Variants in CTNND2 observed in about 807,000 individuals in gnomAD.
CTNND2 encodes catenin delta 2, also known as catenin delta-2.
CTNND2 carries 22 observed loss-of-function variants against 144.4 expected under a neutral mutation model. The ratio of observed to expected loss-of-function variants is 0.15; its 90% CI spans 0.11 to 0.22. The LOEUF is 0.22. Ranked by LOEUF, CTNND2 falls within the 10% of genes least tolerant of loss-of-function variation. CTNND2 has a pLI of 1.00. For synonymous variants in CTNND2, 751 were observed against 695.6 expected (o/e 1.08, Z -1.25); for missense variants, 1,353 against 1,618.8 (o/e 0.84, Z 2.82).
At chr5:11,081,339 A>G (rs61757071) in intron 16 of CTNND2, among the ~76,000 whole-genome samples, 2,141 of 152,292 alleles carry the variant, frequency 0.014, 57 homozygotes, top group African/African-American at 0.049. Context: ...CAAAGATAAG[A>G]TAATTATTTG....
chr5:11,187,971 C>A (rs1043881034), intron 11 of CTNND2, among the ~76,000 whole-genome samples: 1 of 152,018 alleles, frequency 6.6e-6, no homozygotes, highest in South Asian at 2.1e-4. Flanking sequence ...GGCGAGGCTG[C>A]GGAGAAACAG....
At position 10,973,853 on chromosome 5, in the gene CTNND2, A is replaced by G; in HGVS notation, c.3418-140T>C. ...ACCACTGTGGCCCTGCTTCTCCAAA[A>G]CTGCCAACTGTCATTGGCTTTCCTT... On this transcript the variant is annotated intron_variant, in intron 21 of 21. Coordinates refer to ENST00000304623, the MANE Select transcript of CTNND2 (RefSeq NM_001332.4). This position sits in a 1 kb window ranked among gnomAD's most constrained non-coding sequence, Gnocchi z 5.6. The G allele has an allele frequency of 1.1e-6, 1 of 893,612 alleles. No individual in the cohort carries two copies. The allele number at this position is 893,612 out of a possible 1,614,324, so 55.4% of individuals were successfully genotyped here.
chr5:11,800,799 A>G (rs758282694), intron 1 of CTNND2, among the ~76,000 whole-genome samples: 10 of 152,202 alleles, frequency 6.6e-5, no homozygotes, highest in Non-Finnish European at 1.2e-4. Context: ...AGAATTGAGT[A>G]TTATATTTGA....
chr5:11,068,064 A>T (rs1457245366), intron 16 of CTNND2, among the ~76,000 whole-genome samples: 4 of 152,208 alleles, frequency 2.6e-5, no homozygotes, highest in South Asian at 2.1e-4. Flanking sequence ...TCTGGAACAA[A>T]TTTTTTTGTC....
rs568487966 is a variant in CTNND2, at chr5:11,724,681, T to C, written c.174+7455A>G. Among the ~76,000 whole-genome samples, 92 of 152,342 alleles carry C rather than the reference T, an allele frequency of 6.0e-4. 1 individual carries two copies. The Middle Eastern group carries it at 0.01, about 17-fold the overall frequency. On this transcript the variant is annotated intron_variant, in intron 2 of 21. Transcript: ENST00000304623. ...TATCCCAGAGTTCTACTTTTCAGAATAGAAGATACGGCAGTGTCAAAACTA... is the reference window on the plus strand; with the variant it reads ...TATCCCAGAGTTCTACTTTTCAGAACAGAAGATACGGCAGTGTCAAAACTA...
intron 15 of CTNND2, among the ~76,000 whole-genome samples, chr5:11,097,280 T>C (rs1751445855): frequency 1.3e-5 from 2 of 152,228 alleles, no homozygotes; most frequent in South Asian, 4.1e-4. Context: ...ATCTCTTTCC[T>C]GCTCCTGTAA....
At chr5:11,203,258 G>A (rs943227561) in intron 10 of CTNND2, among the ~76,000 whole-genome samples, 3 of 151,982 alleles carry the variant, frequency 2.0e-5, no homozygotes, top group African/African-American at 7.2e-5. Flanking sequence ...CTTTGAAATG[G>A]CACCTTTATT....
intron 11 of CTNND2, among the ~76,000 whole-genome samples, chr5:11,196,275 G>A (rs1307408123): frequency 3.9e-5 from 6 of 152,104 alleles, no homozygotes; most frequent in Admixed American, 3.9e-4. Flanking sequence ...CACTAAAATT[G>A]TTCTTTTGAA....
chr5:11,073,376 A>C (rs1416863716), intron 16 of CTNND2, among the ~76,000 whole-genome samples: 1 of 152,184 alleles, frequency 6.6e-6, no homozygotes, highest in Non-Finnish European at 1.5e-5. Context: ...CCAGACATAA[A>C]ATGAACACCT....
At chr5:11,511,533 T>C (rs952965485) in intron 3 of CTNND2, among the ~76,000 whole-genome samples, 2 of 151,964 alleles carry the variant, frequency 1.3e-5, no homozygotes, top group Non-Finnish European at 2.9e-5. Flanking sequence ...CATTTGGGGG[T>C]GATGTGTCCA....
At chr5:11,156,941 C>A (rs1012937675) in intron 12 of CTNND2, among the ~76,000 whole-genome samples, 1 of 152,160 alleles carries the variant, frequency 6.6e-6, no homozygotes, top group Non-Finnish European at 1.5e-5. Flanking sequence ...AAAGTGTTGC[C>A]CCGTCAGCAG....
chr5:11,419,065 T>C (rs1762148667), intron 3 of CTNND2, among the ~76,000 whole-genome samples: 1 of 131,684 alleles, frequency 7.6e-6, no homozygotes. Context: ...TATAGATATA[T>C]ATATAGAGAG....
intron 9 of CTNND2, among the ~76,000 whole-genome samples, chr5:11,284,741 T>C (rs1457708102): frequency 1.3e-5 from 2 of 152,248 alleles, no homozygotes; most frequent in Non-Finnish European, 2.9e-5. Flanking sequence ...CATGTGTCTT[T>C]ATAACAGAAT....
At chr5:11,871,994 A>G (rs1413615458) in intron 1 of CTNND2, among the ~76,000 whole-genome samples, 1 of 152,096 alleles carries the variant, frequency 6.6e-6, no homozygotes, top group Non-Finnish European at 1.5e-5. Flanking sequence ...TCAACCTGTC[A>G]TCTACATTAG....
intron 17 of CTNND2, among the ~76,000 whole-genome samples, chr5:11,019,629 T>C (rs930540791): frequency 4.6e-5 from 7 of 152,238 alleles, no homozygotes; most frequent in African/African-American, 1.7e-4. Context: ...GACTTTAATT[T>C]TGATGCATTC....
chr5:11,019,199 C>T (rs937854405), intron 17 of CTNND2, among the ~76,000 whole-genome samples: 2 of 151,978 alleles, frequency 1.3e-5, no homozygotes, highest in African/African-American at 2.4e-5. Flanking sequence ...TACAATATCT[C>T]TAAGGTATGC....
chr5:11,413,981 T>G (rs987786991), intron 3 of CTNND2, among the ~76,000 whole-genome samples: 3 of 152,160 alleles, frequency 2.0e-5, no homozygotes, highest in Non-Finnish European at 4.4e-5. Flanking sequence ...TTGGGAAAAG[T>G]GCTTTTGCAG....
chr5:11,510,794 G>A (rs1006999889), intron 3 of CTNND2, among the ~76,000 whole-genome samples: 1 of 152,106 alleles, frequency 6.6e-6, no homozygotes, highest in South Asian at 2.1e-4. Flanking sequence ...AGCCGGGCAT[G>A]GTGGCACATG....
At chr5:11,403,898 G>A (rs906904981) in intron 5 of CTNND2, among the ~76,000 whole-genome samples, 5 of 152,166 alleles carry the variant, frequency 3.3e-5, no homozygotes, top group African/African-American at 1.2e-4. Context: ...TGGCTTGCTG[G>A]TGCATTTCTT....
Sources: allele counts gnomAD v4.1 joint callset (sites outside exome capture counted in the v4.1 genomes callset), GRCh38; gene constraint gnomAD v4.1.1; non-coding constraint Gnocchi (gnomAD v3.1); transcripts MANE v1.5; gene names NCBI Gene and HGNC (gene_info 2026-07-23, HGNC 2026-07-21).